The following SNTG1 variants were observed in gnomAD, a reference collection of about 807,000 sequenced individuals.
SNTG1 encodes syntrophin gamma 1.
A neutral mutation model predicts 74.7 loss-of-function variants in SNTG1; 39 were observed. The ratio of observed to expected loss-of-function variants is 0.52; its 90% CI spans 0.40 to 0.68. The LOEUF (loss-of-function observed/expected upper bound fraction) is 0.68. SNTG1 is among the 30% of genes least tolerant of loss of function. SNTG1 has a pLI of 0.00. For synonymous variants in SNTG1, 254 were observed against 217.1 expected, an observed-to-expected ratio of 1.17 and a Z score of -1.49; for missense variants, 685 against 609.5, an observed-to-expected ratio of 1.12 and a Z score of -1.30.
chr8:49,999,279 C>T (rs1814526768), intron 1 of SNTG1, among the ~76,000 whole-genome samples: 1 of 152,116 alleles, frequency 6.6e-6, no homozygotes. Flanking sequence ...TTTTTCTTCT[C>T]TTTTTCTCCC....
chr8:50,164,930 T>G (rs1423721627), intron 1 of SNTG1, among the ~76,000 whole-genome samples: 1 of 152,200 alleles, frequency 6.6e-6, no homozygotes, highest in Admixed American at 6.5e-5. Flanking sequence ...ATCCCTTATT[T>G]ATAGGTTTTT....
chr8:50,278,783 T>A (rs950586496), intron 2 of SNTG1, among the ~76,000 whole-genome samples: 1 of 152,072 alleles, frequency 6.6e-6, no homozygotes, highest in Non-Finnish European at 1.5e-5. Flanking sequence ...ACATCAGACA[T>A]CTTTCAATTA....
intron 18 of SNTG1, 73 bp downstream of exon 18, chr8:50,752,184 T>C: frequency 1.3e-6 from 1 of 781,592 alleles, no homozygotes; most frequent in South Asian, 3.4e-5. Flanking sequence ...AGGGGAAACT[T>C]TCGGGGAATC....
At chr8:50,423,005 T>TG (rs1372696207) in intron 4 of SNTG1, among the ~76,000 whole-genome samples, 2 of 152,048 alleles carry the variant, frequency 1.3e-5, no homozygotes, top group East Asian at 1.9e-4. Context: ...GAGGTGGGTT[T>TG]GGGGGGGTTA....
chr8:49,958,256 C>T (rs1810359427), intron 1 of SNTG1, among the ~76,000 whole-genome samples: 1 of 152,126 alleles, frequency 6.6e-6, no homozygotes, highest in Non-Finnish European at 1.5e-5. Context: ...ACAAGGCACA[C>T]ATCCAGCAGG....
At chr8:50,126,940 T>C (rs1489841440) in intron 1 of SNTG1, among the ~76,000 whole-genome samples, 2 of 152,136 alleles carry the variant, frequency 1.3e-5, no homozygotes, top group Admixed American at 1.3e-4. Flanking sequence ...CATACAATCT[T>C]GGAGGCAGCA....
At chr8:50,089,711 C>T (rs2131147647) in intron 1 of SNTG1, among the ~76,000 whole-genome samples, 1 of 152,244 alleles carries the variant, frequency 6.6e-6, no homozygotes, top group African/African-American at 2.4e-5. Flanking sequence ...AATGAGATAC[C>T]ATCTCACACC....
rs66472803 is a variant in SNTG1 at position 50,256,785 on chromosome 8, C to CGT, written c.-28+84167_-28+84168dup. ...TTAACTGGAAAAAAGGGTGTGTGTG[C>CGT]GTGTGTGTGTGTGTGTGTCTGTGTG... On this transcript the variant is annotated intron_variant, in intron 2 of 18. Coordinates refer to ENST00000642720, the MANE Select transcript of SNTG1 (RefSeq NM_018967.5). Among the ~76,000 whole-genome samples the CGT allele has an allele frequency of 7.7e-3, 1,166 of 150,854 alleles. 17 individuals carry two copies. The highest frequency in any genetic ancestry group is 0.027 in the African/African-American group (1,104 of 41,060).
At chr8:50,357,608 ACCAG>A (rs142324055) in intron 2 of SNTG1, among the ~76,000 whole-genome samples, 105 of 152,318 alleles carry the variant, frequency 6.9e-4, no homozygotes, top group African/African-American at 2.4e-3. Context: ...AAGGAAATGG[ACCAG>A]CCTTGATACT....
At chr8:50,168,771 G>T (rs2082710467) in intron 1 of SNTG1, among the ~76,000 whole-genome samples, 1 of 152,042 alleles carries the variant, frequency 6.6e-6, no homozygotes, top group Non-Finnish European at 1.5e-5. Flanking sequence ...AAACTTTTAA[G>T]ATTTTAATTA....
chr8:50,523,717 G>GA (rs1399307477), intron 9 of SNTG1, among the ~76,000 whole-genome samples: 2 of 152,094 alleles, frequency 1.3e-5, no homozygotes, highest in Non-Finnish European at 2.9e-5. Context: ...TAATAATAAT[G>GA]AAAAAGTTGA....
intron 12 of SNTG1, among the ~76,000 whole-genome samples, chr8:50,564,490 T>C (rs2094505198): frequency 1.3e-5 from 2 of 152,092 alleles, no homozygotes; most frequent in Admixed American, 1.3e-4. Context: ...TTTAAACTCA[T>C]GTATGGGCCA....
At chr8:50,269,076 C>A (rs1351729463) in intron 2 of SNTG1, among the ~76,000 whole-genome samples, 1 of 152,094 alleles carries the variant, frequency 6.6e-6, no homozygotes, top group Non-Finnish European at 1.5e-5. Context: ...AACCTTACAT[C>A]TTATACAAAA....
intron 1 of SNTG1, among the ~76,000 whole-genome samples, chr8:50,030,877 T>C (rs1817689140): frequency 2.6e-5 from 4 of 151,960 alleles, no homozygotes; most frequent in African/African-American, 9.6e-5. Flanking sequence ...CTACTAAAAA[T>C]GTGGTAGGAT....
chr8:50,122,746 G>A (rs1448428378), intron 1 of SNTG1, among the ~76,000 whole-genome samples: 1 of 141,244 alleles, frequency 7.1e-6, no homozygotes, highest in African/African-American at 2.6e-5. Context: ...AGTTGAAGGA[G>A]GATAGGAGTA....
chr8:49,996,957 G>A (rs926206893), intron 1 of SNTG1, among the ~76,000 whole-genome samples: 1 of 152,086 alleles, frequency 6.6e-6, no homozygotes, highest in Non-Finnish European at 1.5e-5. Context: ...ATTTGAACTT[G>A]TTTTATGCTA....
At chr8:50,510,031 G>A (rs960381597) in intron 9 of SNTG1, among the ~76,000 whole-genome samples, 2 of 152,152 alleles carry the variant, frequency 1.3e-5, no homozygotes, top group African/African-American at 4.8e-5. Context: ...TGCTCATTCA[G>A]TAGACTATTG....
chr8:50,775,255 T>C (rs923648928), intron 18 of SNTG1, among the ~76,000 whole-genome samples: 1 of 151,550 alleles, frequency 6.6e-6, no homozygotes, highest in Non-Finnish European at 1.5e-5. Context: ...AATTGAAAGG[T>C]ACTCTAGTGT....
Position 50,450,570 on chromosome 8 carries a change from C to A in SNTG1, c.292C>A (p.Leu98Ile), listed in dbSNP as rs1247216327. Residue 98 changes from leucine to isoleucine, a missense_variant, in exon 7 of 19, where the codon CTA becomes ATA. Coordinates refer to ENST00000642720, the MANE Select transcript of SNTG1 (RefSeq NM_018967.5). ...SKEQRAELSG[L>I]LFIGDAILQI... ...TTCATTCACAGCGGAACTTTCAGGA[C>A]TACTTTTTATTGGAGATGCAATTCT... 6.2e-7 allele frequency: 1 copy of A among 1,613,368 alleles called. No homozygotes were observed. The highest frequency in any genetic ancestry group is 1.7e-5 in the Admixed American group (1 of 60,002).
Sources: gnomAD v4.1 joint callset for allele counts (sites outside exome capture counted in the v4.1 genomes callset) on GRCh38, gnomAD v4.1.1 for gene constraint, MANE v1.5 for transcripts, NCBI Gene and HGNC (gene_info 2026-07-23, HGNC 2026-07-21) for gene names.